Variants in NCKAP5 observed in about 807,000 individuals in gnomAD.
The protein encoded by NCKAP5 is NCK associated protein 5, also known as nck-associated protein 5.
A neutral mutation model predicts 167.0 loss-of-function variants in NCKAP5; 92 were observed. That is an observed-to-expected ratio of 0.55 (90% confidence interval 0.47 to 0.66). NCKAP5 has a LOEUF of 0.66. NCKAP5 is among the 30% of genes least tolerant of loss of function. NCKAP5 has a pLI of 0.00. For synonymous variants in NCKAP5, 891 were observed against 877.4 expected, an observed-to-expected ratio of 1.02 and a Z score of -0.27; for missense variants, 2,378 against 2,315.0, an observed-to-expected ratio of 1.03 and a Z score of -0.56.
At chr2:132,805,405 A>G (rs1006054119) in intron 11 of NCKAP5, among the ~76,000 whole-genome samples, 17 of 152,336 alleles carry the variant, frequency 1.1e-4, no homozygotes, top group Admixed American at 4.6e-4. Context: ...AACAATAAAA[A>G]TTAATCAGTA....
intron 3 of NCKAP5, among the ~76,000 whole-genome samples, chr2:133,310,661 T>C (rs952218388): frequency 1.3e-5 from 2 of 152,210 alleles, no homozygotes; most frequent in African/African-American, 2.4e-5. Flanking sequence ...TCCCTTTGGA[T>C]GTGCCACATA....
At chr2:133,550,425 A>C (rs964612557) in intron 2 of NCKAP5, among the ~76,000 whole-genome samples, 1 of 151,916 alleles carries the variant, frequency 6.6e-6, no homozygotes, top group Non-Finnish European at 1.5e-5. Context: ...CAACCCTGGG[A>C]TGCAAGTCTG....
At chr2:133,429,036 G>C (rs1689989643) in intron 3 of NCKAP5, among the ~76,000 whole-genome samples, 1 of 152,110 alleles carries the variant, frequency 6.6e-6, no homozygotes, top group African/African-American at 2.4e-5. Flanking sequence ...GAAAATAAAT[G>C]CAAGACCACA....
Position 133,021,791 on chromosome 2 carries a change from T to G in NCKAP5, c.342-27552A>C, listed in dbSNP as rs565380912. 2.8e-4 allele frequency among the ~76,000 whole-genome samples: 43 copies of G among 152,222 alleles called. No individual in the cohort carries two copies. In the Middle Eastern group the frequency reaches 0.014, roughly 48 times the overall value. ...GATTACAGGTACATGCCACCACGCC[T>G]GGCTAATTTTTTGTATTTTAGTAGA... On this transcript the variant is annotated intron_variant, in intron 6 of 19. Coordinates refer to ENST00000409261, the MANE Select transcript of NCKAP5 (RefSeq NM_207363.3).
At chr2:133,029,746 C>T (rs1314104863) in intron 6 of NCKAP5, among the ~76,000 whole-genome samples, 2 of 152,088 alleles carry the variant, frequency 1.3e-5, no homozygotes, top group Admixed American at 6.5e-5. Context: ...GCATATCAGG[C>T]TGTGCTAGGG....
intron 3 of NCKAP5, among the ~76,000 whole-genome samples, chr2:133,396,234 T>G (rs1389350675): frequency 6.6e-6 from 1 of 152,064 alleles, no homozygotes; most frequent in African/African-American, 2.4e-5. Context: ...TGAAAAAGCA[T>G]AAAGCAATAT....
the NCKAP5 span, among the ~76,000 whole-genome samples, chr2:133,617,897 C>G: frequency 6.6e-6 from 1 of 152,050 alleles, no homozygotes. Context: ...TACCTGACTT[C>G]AAACTATACT....
intron 11 of NCKAP5, among the ~76,000 whole-genome samples, chr2:132,811,076 G>C (rs1685825717): frequency 6.6e-6 from 1 of 152,182 alleles, no homozygotes; most frequent in African/African-American, 2.4e-5. Context: ...CTCGACTCCA[G>C]ACAGGTACTG....
chr2:132,995,743 C>T (rs934924871), intron 6 of NCKAP5, among the ~76,000 whole-genome samples: 9 of 151,624 alleles, frequency 5.9e-5, no homozygotes, highest in Admixed American at 1.3e-4. Context: ...GGGAGGCTGA[C>T]GTGAGTGGAT....
intron 3 of NCKAP5, among the ~76,000 whole-genome samples, chr2:133,376,362 C>G (rs1001201984): frequency 5.3e-5 from 8 of 152,192 alleles, no homozygotes; most frequent in African/African-American, 1.9e-4. Flanking sequence ...GCCCCTCACA[C>G]AAACAAGGAA....
chr2:132,744,135 CTA>C (rs1271473568), intron 16 of NCKAP5, among the ~76,000 whole-genome samples: 2 of 151,756 alleles, frequency 1.3e-5, no homozygotes, highest in South Asian at 2.1e-4. Context: ...AGTAGAGAGA[CTA>C]TCACAAGGCA....
chr2:133,010,353 T>G (rs2078115347), intron 6 of NCKAP5, among the ~76,000 whole-genome samples: 1 of 152,210 alleles, frequency 6.6e-6, no homozygotes, highest in Admixed American at 6.5e-5. Context: ...GCATTATAGA[T>G]CATTGTCAGC....
Position 133,426,140 on chromosome 2 carries a change from C to T in NCKAP5, c.69+91318G>A, listed in dbSNP as rs183571114. ...CAAAAATTAGCTGGACGTGGTGGTGCGTGCCTGTAATCCCAGCTACTTGGG... is the reference window on the plus strand; with the variant it reads ...CAAAAATTAGCTGGACGTGGTGGTGTGTGCCTGTAATCCCAGCTACTTGGG... On this transcript the variant is annotated intron_variant, in intron 3 of 19. Coordinates refer to ENST00000409261, the MANE Select transcript of NCKAP5 (RefSeq NM_207363.3). Among the ~76,000 whole-genome samples, 531 of 151,960 alleles carry T rather than the reference C, an allele frequency of 3.5e-3. 2 individuals are homozygous for T. The highest frequency in any genetic ancestry group is 0.012 in the African/African-American group (487 of 41,452).
intron 3 of NCKAP5, among the ~76,000 whole-genome samples, chr2:133,325,350 G>A (rs1259499866): frequency 1.3e-5 from 2 of 152,154 alleles, no homozygotes; most frequent in African/African-American, 4.8e-5. Flanking sequence ...TATGAAGATA[G>A]CATTTATGTA....
At chr2:132,964,416 T>C (rs1047779414) in intron 7 of NCKAP5, among the ~76,000 whole-genome samples, 1 of 152,212 alleles carries the variant, frequency 6.6e-6, no homozygotes, top group African/African-American at 2.4e-5. Context: ...TCCCTTTCTG[T>C]AACACTGTTC....
intron 5 of NCKAP5, among the ~76,000 whole-genome samples, chr2:133,132,481 GCACACACA>G (rs373384379): frequency 1.2e-4 from 15 of 130,000 alleles, no homozygotes; most frequent in African/African-American, 2.9e-4. Flanking sequence ...GAAAAAAAAA[GCACACACA>G]CACACACACA....
chr2:133,101,540 G>A lies in NCKAP5; in HGVS notation c.341+28438C>T, dbSNP rs2081514484. 8.0e-5 allele frequency among the ~76,000 whole-genome samples: 12 copies of A among 150,060 alleles called. No homozygotes were observed. In the South Asian group the frequency reaches 2.6e-3, roughly 33 times the overall value. On this transcript the variant is annotated intron_variant, in intron 6 of 19. Coordinates refer to ENST00000409261, the MANE Select transcript of NCKAP5 (RefSeq NM_207363.3). Reference sequence around the variant, plus strand: ...TTGATTCTTCCTACCCATGAGCATGGAATGTTCTTCCATTTGTTTGTATCC... The same window carrying A: ...TTGATTCTTCCTACCCATGAGCATGAAATGTTCTTCCATTTGTTTGTATCC...
intron 5 of NCKAP5, among the ~76,000 whole-genome samples, chr2:133,142,255 A>T: frequency 6.6e-6 from 1 of 152,102 alleles, no homozygotes; most frequent in East Asian, 1.9e-4. Context: ...AGACAATCTC[A>T]CTTTCTCAAT....
chr2:133,100,322 A>G (rs1444439133), intron 6 of NCKAP5, among the ~76,000 whole-genome samples: 5 of 152,130 alleles, frequency 3.3e-5, no homozygotes, highest in Admixed American at 3.3e-4. Flanking sequence ...TATCCATCCT[A>G]TTACTCTAAG....
Sources: allele counts gnomAD v4.1 joint callset (sites outside exome capture counted in the v4.1 genomes callset), GRCh38; gene constraint gnomAD v4.1.1; transcripts MANE v1.5; gene names NCBI Gene and HGNC (gene_info 2026-07-23, HGNC 2026-07-21).